ROBO2: variants seen among roughly 807,000 people sequenced by gnomAD.
ROBO2 encodes the protein roundabout homolog 2.
A neutral mutation model predicts 160.8 loss-of-function variants in ROBO2; 53 were observed. That is an observed-to-expected ratio of 0.33 (90% CI 0.26 to 0.41). The LOEUF (loss-of-function observed/expected upper bound fraction) is 0.41, where lower values mean the gene tolerates loss of function less well. Ranked by LOEUF, ROBO2 falls within the 10% of genes least tolerant of loss-of-function variation. The pLI, the probability that ROBO2 is intolerant of heterozygous loss-of-function variation, is 1.00. For synonymous variants in ROBO2, 664 were observed against 611.7 expected (o/e 1.09, Z -1.26); for missense variants, 1,577 against 1,722.4 (o/e 0.92, Z 1.49).
At chr3:77,108,293 C>T (rs1310855110) in intron 2 of ROBO2, among the ~76,000 whole-genome samples, 2 of 127,012 alleles carry the variant, frequency 1.6e-5, no homozygotes, top group Admixed American at 1.6e-4. Context: ...TATGTATACA[C>T]ATATGCATAT....
At chr3:76,286,212 C>T (rs974822637) in intron 2 of ROBO2, among the ~76,000 whole-genome samples, 1 of 152,174 alleles carries the variant, frequency 6.6e-6, no homozygotes. Context: ...GAGGAACAAG[C>T]TTCCATAAAA....
rs747531494 is a variant in ROBO2, at chr3:76,418,231, T to TAGAG, written c.109+480644_109+480647dup. On this transcript the variant is annotated intron_variant, in intron 2 of 26. Coordinates refer to the ROBO2 transcript ENST00000487694. ...CACTATATAACTGTCGCCAAACAAATAGAGAGAGAGAGAGAGAGGGAGAGA... is the reference window on the plus strand; with the variant it reads ...CACTATATAACTGTCGCCAAACAAATAGAGAGAGAGAGAGAGAGAGAGGGAGAGA... Among the ~76,000 whole-genome samples the TAGAG allele has an allele frequency of 5.6e-5, 7 of 123,960 alleles. No homozygotes were observed. The Admixed American group carries it at 5.7e-4, about 10-fold the overall frequency. The allele number at this position is 123,960 out of a possible 152,430, so 81.3% of individuals were successfully genotyped here. A position where few individuals can be genotyped will look rare whatever the true frequency, so the allele number is the denominator to read the frequency against.
intron 2 of ROBO2, among the ~76,000 whole-genome samples, chr3:76,021,913 A>AT (rs370709030): frequency 0.08 from 11,171 of 140,298 alleles, 1,070 homozygotes; most frequent in African/African-American, 0.24. Flanking sequence ...TTCGTGAAAG[A>AT]TTTTTTTTTT....
At chr3:77,200,267 T>TATA (rs2082724800) in intron 2 of ROBO2, among the ~76,000 whole-genome samples, 34 of 46,552 alleles carry the variant, frequency 7.3e-4, no homozygotes, top group East Asian at 2.0e-3. Context: ...CTAACATATT[T>TATA]TATATATATA....
chr3:77,568,546 A>G, intron 13 of ROBO2, 112 bp downstream of exon 14: 2 of 1,265,026 alleles, frequency 1.6e-6, no homozygotes, highest in Admixed American at 3.5e-5. Flanking sequence ...ATTTAAAATC[A>G]AGGTGTAATC....
At chr3:75,931,519 C>A (rs1306307941) in intron 1 of ROBO2, among the ~76,000 whole-genome samples, 1 of 151,860 alleles carries the variant, frequency 6.6e-6, no homozygotes, top group African/African-American at 2.4e-5. Flanking sequence ...ACCTGGCTAA[C>A]TGTTTTATTT....
intron 2 of ROBO2, among the ~76,000 whole-genome samples, chr3:77,179,390 A>G (rs540732903): frequency 1.6e-4 from 24 of 152,194 alleles, no homozygotes; most frequent in African/African-American, 5.3e-4. Context: ...CCATGCAAAT[A>G]TATTTCATTT....
intron 2 of ROBO2, among the ~76,000 whole-genome samples, chr3:75,942,020 C>A (rs1404806371): frequency 6.6e-6 from 1 of 152,224 alleles, no homozygotes; most frequent in South Asian, 2.1e-4. Context: ...TTTCCCAGTG[C>A]ATTTCAAAGT....
At chr3:77,292,865 A>C (rs1228606622) in intron 2 of ROBO2, among the ~76,000 whole-genome samples, 2 of 150,884 alleles carry the variant, frequency 1.3e-5, no homozygotes, top group South Asian at 4.2e-4. Flanking sequence ...TAGATCACTA[A>C]AGACATAAAG....
intron 2 of ROBO2, among the ~76,000 whole-genome samples, chr3:76,829,638 C>CCCTTT (rs137885137): frequency 0.12 from 18,664 of 149,868 alleles, 1,308 homozygotes; most frequent in East Asian, 0.24. Flanking sequence ...TTTTTCTTTT[C>CCCTTT]CCTTTCCTTT....
chr3:77,089,476 C>T (rs1281051874), intron 1 of ROBO2, among the ~76,000 whole-genome samples: 1 of 152,108 alleles, frequency 6.6e-6, no homozygotes. Context: ...CTTATCAGTT[C>T]CCTTTCACAC....
At chr3:75,973,942 G>A (rs942446669) in intron 2 of ROBO2, among the ~76,000 whole-genome samples, 2 of 151,606 alleles carry the variant, frequency 1.3e-5, no homozygotes, top group African/African-American at 4.8e-5. Context: ...TAGGGCTCAT[G>A]AGTAGTTAAG....
At chr3:76,241,116 C>T (rs1705256515) in intron 2 of ROBO2, among the ~76,000 whole-genome samples, 1 of 152,140 alleles carries the variant, frequency 6.6e-6, no homozygotes, top group Non-Finnish European at 1.5e-5. Flanking sequence ...AAAATGGTCA[C>T]CTCTTGGTAG....
At chr3:77,292,329 G>C (rs996440478) in intron 2 of ROBO2, among the ~76,000 whole-genome samples, 1 of 151,270 alleles carries the variant, frequency 6.6e-6, no homozygotes, top group African/African-American at 2.4e-5. Context: ...GTTGAGGCTG[G>C]AACAGTAAAG....
chr3:76,161,942 A>G (rs1377331544), intron 2 of ROBO2, among the ~76,000 whole-genome samples: 1 of 152,180 alleles, frequency 6.6e-6, no homozygotes, highest in Non-Finnish European at 1.5e-5. Context: ...AGAAGTCTCC[A>G]TCTGAATTTT....
intron 2 of ROBO2, among the ~76,000 whole-genome samples, chr3:76,712,809 T>A (rs2093321054): frequency 6.6e-6 from 1 of 152,120 alleles, no homozygotes; most frequent in Admixed American, 6.6e-5. Flanking sequence ...TCTTTTCCAA[T>A]TTTCTCTTCA....
rs1278580953 is a variant in ROBO2 at position 77,331,996 on chromosome 3, G to A, written c.389-145418G>A. 4.6e-5 allele frequency among the ~76,000 whole-genome samples: 7 copies of A among 152,168 alleles called. No homozygotes were observed. In the South Asian group the frequency reaches 1.2e-3, roughly 27 times the overall value. ...GCTGGGATTACAGGCGTGAGCCAACGCCCCCGGCCTGAAATGCCTATTTTT... is the reference window on the plus strand; with the variant it reads ...GCTGGGATTACAGGCGTGAGCCAACACCCCCGGCCTGAAATGCCTATTTTT... On this transcript the variant is annotated intron_variant, in intron 2 of 25. Transcript: ENST00000461745.
intron 2 of ROBO2, among the ~76,000 whole-genome samples, chr3:77,368,420 T>A (rs1052615442): frequency 6.6e-6 from 1 of 152,156 alleles, no homozygotes; most frequent in Non-Finnish European, 1.5e-5. Context: ...TTGGGAATCA[T>A]GTCTGTGACA....
intron 2 of ROBO2, among the ~76,000 whole-genome samples, chr3:76,472,100 TGC>T (rs1193840414): frequency 0.013 from 1,476 of 111,108 alleles, 24 homozygotes; most frequent in African/African-American, 0.044. Context: ...TGTGTGTGTG[TGC>T]GCGTGTGCGT....
Sources: gnomAD v4.1 joint callset for allele counts (sites outside exome capture counted in the v4.1 genomes callset) on GRCh38, gnomAD v4.1.1 for gene constraint, MANE v1.5 for transcripts, NCBI Gene and HGNC (gene_info 2026-07-23, HGNC 2026-07-21) for gene names.